ISY1: variants seen among roughly 807,000 people sequenced by gnomAD.
ISY1 encodes the protein pre-mRNA-splicing factor ISY1 homolog.
A neutral mutation model predicts 54.4 loss-of-function variants in ISY1; 12 were observed. The observed-to-expected ratio is 0.22, with a 90% confidence interval of 0.14 to 0.36. ISY1 has a LOEUF of 0.36. ISY1 is among the 10% of genes least tolerant of loss of function. The pLI, the probability that ISY1 is intolerant of heterozygous loss-of-function variation, is 1.00. For synonymous variants in ISY1, 96 were observed against 117.9 expected (o/e 0.81, Z 1.20); for missense variants, 282 against 342.2 (o/e 0.82, Z 1.39).
At chr3:129,141,817 A>C (rs1223168928) in intron 6 of ISY1, among the ~76,000 whole-genome samples, 1 of 152,056 alleles carries the variant, frequency 6.6e-6, no homozygotes, top group East Asian at 1.9e-4. Context: ...CACGATGCTA[A>C]GTGACAAAAC....
chr3:129,160,469 T>C (rs1937271737), intron 1 of ISY1, among the ~76,000 whole-genome samples: 1 of 152,100 alleles, frequency 6.6e-6, no homozygotes, highest in South Asian at 2.1e-4. Flanking sequence ...GCCATTCATT[T>C]ATTCAATAGT....
At chr3:129,140,324 G>T in intron 7 of ISY1, 44 bp downstream of exon 7, 1 of 1,548,354 alleles carries the variant, frequency 6.5e-7, no homozygotes, top group Non-Finnish European at 8.8e-7. Flanking sequence ...CTACTCTTAT[G>T]ATTATTACCA....
At position 129,127,750 on chromosome 3, in the gene ISY1, C is replaced by G. The variant is rs892589894; in HGVS notation, c.*2331G>C. 1 of 152,304 alleles carries G rather than the reference C, an allele frequency of 6.6e-6. No individual in the cohort carries two copies. Among genetic ancestry groups the G allele is most frequent in the Non-Finnish European group, 1.5e-5 (1 of 68,100 alleles). 9.4% of individuals were successfully genotyped at this position (152,304 alleles called of 1,614,324 possible). On this transcript the variant is annotated 3_prime_UTR_variant, in exon 11 of 11. Transcript: ENST00000393295. Reference sequence around the variant, plus strand: ...GCATCCCGGGGATCCCTGAAGAGATCCCAGGAGGGGAGTGCTTTGTGCACT... The same window carrying G: ...GCATCCCGGGGATCCCTGAAGAGATGCCAGGAGGGGAGTGCTTTGTGCACT...
intron 5 of ISY1, among the ~76,000 whole-genome samples, chr3:129,154,455 A>G (rs2107618548): frequency 6.7e-6 from 1 of 149,958 alleles, no homozygotes; most frequent in African/African-American, 2.4e-5. Flanking sequence ...AAAAAAAAAA[A>G]AAAAAAAAGG....
At chr3:129,131,988 C>G (rs1244320219) in intron 9 of ISY1, among the ~76,000 whole-genome samples, 1 of 152,130 alleles carries the variant, frequency 6.6e-6, no homozygotes, top group Non-Finnish European at 1.5e-5. Context: ...TCCAACCACA[C>G]CTAGCTAATT....
intron 6 of ISY1, among the ~76,000 whole-genome samples, chr3:129,145,516 C>G (rs917065301): frequency 6.6e-6 from 1 of 152,160 alleles, no homozygotes; most frequent in Non-Finnish European, 1.5e-5. Flanking sequence ...AGCTACCATG[C>G]CCGGGCTCAT....
intron 5 of ISY1, among the ~76,000 whole-genome samples, chr3:129,146,715 G>C (rs1421362352): frequency 2.6e-5 from 4 of 152,034 alleles, no homozygotes; most frequent in African/African-American, 9.7e-5. Flanking sequence ...ATTAAAAACG[G>C]GGGAATTTTA....
At chr3:129,155,229 T>TTTG (rs1937101066) in intron 5 of ISY1, among the ~76,000 whole-genome samples, 3 of 150,308 alleles carry the variant, frequency 2.0e-5, no homozygotes, top group African/African-American at 7.4e-5. Flanking sequence ...TTGTTTGTTT[T>TTTG]GAGATGGAGT....
chr3:129,139,121 G>C (rs528924286), intron 7 of ISY1, among the ~76,000 whole-genome samples: 4 of 151,734 alleles, frequency 2.6e-5, no homozygotes, highest in South Asian at 4.2e-4. Context: ...ATTTTTAGTA[G>C]AGACAGGGTT....
At chr3:129,148,962 T>G (rs1366858613) in intron 5 of ISY1, among the ~76,000 whole-genome samples, 1 of 152,218 alleles carries the variant, frequency 6.6e-6, no homozygotes, top group Non-Finnish European at 1.5e-5. Context: ...AAGAGTTATT[T>G]GTCATCCCCT....
chr3:129,139,562 T>C (rs909332010), intron 7 of ISY1, among the ~76,000 whole-genome samples: 2 of 151,664 alleles, frequency 1.3e-5, no homozygotes, highest in Non-Finnish European at 2.9e-5. Flanking sequence ...CAGTTTCAAA[T>C]TATATTCAGG....
intron 9 of ISY1, among the ~76,000 whole-genome samples, chr3:129,131,704 C>T (rs140530712): frequency 1.9e-4 from 29 of 152,278 alleles, no homozygotes; most frequent in African/African-American, 6.5e-4. Context: ...TCAAGGCCAT[C>T]GTGAAAGGTG....
chr3:129,149,611 AT>A (rs1271195301), intron 5 of ISY1, among the ~76,000 whole-genome samples: 1,084 of 43,444 alleles, frequency 0.025, 69 homozygotes, highest in African/African-American at 0.1. Context: ...AAAAAAAAAA[AT>A]ATATATATAT....
At position 129,152,088 on chromosome 3, in the gene ISY1, G is replaced by A. The variant is rs547038661; in HGVS notation, c.187+4545C>T. Among the ~76,000 whole-genome samples, 12 of 152,154 alleles carry A rather than the reference G, an allele frequency of 7.9e-5. No individual in the cohort carries two copies. The South Asian group carries it at 2.5e-3, about 32-fold the overall frequency. On this transcript the variant is annotated intron_variant, in intron 5 of 10. Transcript: ENST00000393295. ...GCAGGAGAATCACTTGAACCTGAGA[G>A]GCGGAGGTTGCATTGAGCTGAAATT...
At chr3:129,135,829 C>T (rs1408977102) in intron 7 of ISY1, among the ~76,000 whole-genome samples, 1 of 151,158 alleles carries the variant, frequency 6.6e-6, no homozygotes, top group African/African-American at 2.4e-5. Flanking sequence ...AAATATGCAT[C>T]ACAGTATTAT....
intron 8 of ISY1, 82 bp from the exon 9 acceptor site, chr3:129,134,277 C>G: frequency 6.3e-7 from 1 of 1,592,524 alleles, no homozygotes. Flanking sequence ...CAACACTATG[C>G]AGGGAAAGTC....
chr3:129,135,765 CAA>C (rs751769006), intron 7 of ISY1, among the ~76,000 whole-genome samples: 3 of 109,712 alleles, frequency 2.7e-5, no homozygotes, highest in Non-Finnish European at 1.9e-5. Context: ...GACTCCATCT[CAA>C]AAAAAAAAAA....
At chr3:129,150,940 C>T (rs1936947590) in intron 5 of ISY1, among the ~76,000 whole-genome samples, 1 of 150,728 alleles carries the variant, frequency 6.6e-6, no homozygotes, top group Admixed American at 6.6e-5. Context: ...GCCTAGCCAA[C>T]ATGGTGAAAC....
At chr3:129,141,943 A>G (rs915076554) in intron 6 of ISY1, among the ~76,000 whole-genome samples, 1 of 151,998 alleles carries the variant, frequency 6.6e-6, no homozygotes, top group African/African-American at 2.4e-5. Flanking sequence ...GGTGGCTCAC[A>G]TCTGTAATCC....
Sources: allele counts gnomAD v4.1 joint callset (sites outside exome capture counted in the v4.1 genomes callset), GRCh38; gene constraint gnomAD v4.1.1; transcripts MANE v1.5; gene names NCBI Gene and HGNC (gene_info 2026-07-23, HGNC 2026-07-21).